PDE4D: variants seen among roughly 807,000 people sequenced by gnomAD.
PDE4D encodes the protein 3',5'-cyclic-AMP phosphodiesterase 4D.
In PDE4D, 24 loss-of-function variants were observed where a neutral mutation model predicts 87.4. That is an observed-to-expected ratio of 0.27 (90% confidence interval 0.20 to 0.39). The LOEUF is 0.39. Ranked by LOEUF, PDE4D falls within the 10% of genes least tolerant of loss-of-function variation. The pLI is 1.00. For synonymous variants in PDE4D, 384 were observed against 383.2 expected, an observed-to-expected ratio of 1.00 and a Z score of -0.02; for missense variants, 714 against 1,041.0, an observed-to-expected ratio of 0.69 and a Z score of 4.32.
intron 1 of PDE4D, among the ~76,000 whole-genome samples, chr5:59,504,525 G>C (rs961587641): frequency 1.3e-5 from 2 of 152,050 alleles, no homozygotes; most frequent in African/African-American, 2.4e-5. Context: ...GTAGCACCGG[G>C]ATTCATTTCT....
Position 59,877,648 on chromosome 5 carries a change from C to T in PDE4D, c.455+15520G>A, listed in dbSNP as rs545998261. ...GAAACCTCATCTCCGGAAACTTCAT[C>T]TCCACAAAAAAATACAAAAATTAGC... On this transcript the variant is annotated intron_variant, in intron 1 of 14. Coordinates refer to ENST00000340635, the MANE Select transcript of PDE4D (RefSeq NM_001104631.2). Among the ~76,000 whole-genome samples the T allele has an allele frequency of 4.6e-5, 7 of 151,900 alleles. No homozygotes were observed. The South Asian group carries it at 1.2e-3, about 27-fold the overall frequency.
chr5:60,274,655 C>A (rs1751187172), intron 1 of PDE4D, among the ~76,000 whole-genome samples: 1 of 152,202 alleles, frequency 6.6e-6, no homozygotes, highest in South Asian at 2.1e-4. Context: ...GCCACCATGT[C>A]CAGCCGGATT....
chr5:60,394,322 A>G (rs1177929396), intron 1 of PDE4D, among the ~76,000 whole-genome samples: 2 of 152,222 alleles, frequency 1.3e-5, no homozygotes, highest in Non-Finnish European at 2.9e-5. Context: ...TATATTTTAA[A>G]TTATAGTGGC....
chr5:59,391,546 T>C (rs1788250515), intron 1 of PDE4D, among the ~76,000 whole-genome samples: 1 of 152,150 alleles, frequency 6.6e-6, no homozygotes, highest in East Asian at 1.9e-4. Context: ...CTTCCCTTAT[T>C]CCCCTAAAGT....
chr5:59,404,543 C>T (rs1791276096), intron 1 of PDE4D, among the ~76,000 whole-genome samples: 1 of 151,944 alleles, frequency 6.6e-6, no homozygotes, highest in Non-Finnish European at 1.5e-5. Flanking sequence ...CCTATAGTCC[C>T]AGCTACTCAG....
intron 1 of PDE4D, among the ~76,000 whole-genome samples, chr5:59,613,425 C>T (rs6861161): frequency 1.5e-3 from 224 of 152,158 alleles, no homozygotes; most frequent in African/African-American, 5.0e-3. Context: ...AGATCCAGAT[C>T]GGTAGAGACT....
intron 1 of PDE4D, among the ~76,000 whole-genome samples, chr5:59,256,814 A>C (rs1190622295): frequency 1.3e-5 from 2 of 152,100 alleles, no homozygotes; most frequent in Non-Finnish European, 2.9e-5. Context: ...GGTAGATATT[A>C]ACTAACAACT....
At chr5:60,117,775 C>A (rs949393479) in intron 2 of PDE4D, among the ~76,000 whole-genome samples, 1 of 151,680 alleles carries the variant, frequency 6.6e-6, no homozygotes, top group Non-Finnish European at 1.5e-5. Flanking sequence ...ATTACCCCTG[C>A]AGCTACCAAC....
At chr5:59,056,420 T>G (rs1045647378) in intron 5 of PDE4D, among the ~76,000 whole-genome samples, 1 of 152,080 alleles carries the variant, frequency 6.6e-6, no homozygotes, top group Non-Finnish European at 1.5e-5. Context: ...AAGGAGTTTT[T>G]TTGTTTGTTT....
chr5:59,307,911 C>T (rs1182446148), intron 1 of PDE4D, among the ~76,000 whole-genome samples: 22 of 152,020 alleles, frequency 1.4e-4, no homozygotes, highest in Non-Finnish European at 2.5e-4. Flanking sequence ...CACATGCACA[C>T]GTATGTTTAT....
intron 5 of PDE4D, among the ~76,000 whole-genome samples, chr5:59,094,621 G>A (rs1166285125): frequency 1.3e-5 from 2 of 151,986 alleles, no homozygotes; most frequent in Non-Finnish European, 2.9e-5. Flanking sequence ...AGAAAAGAAG[G>A]TCACAAAAAT....
At chr5:59,607,943 G>A (rs1347160490) in intron 1 of PDE4D, among the ~76,000 whole-genome samples, 3 of 152,076 alleles carry the variant, frequency 2.0e-5, no homozygotes, top group Admixed American at 6.6e-5. Flanking sequence ...GAGTAGGTAG[G>A]GAAGAGTGCC....
chr5:59,253,583 CT>C (rs1760408548), intron 1 of PDE4D, among the ~76,000 whole-genome samples: 1 of 151,998 alleles, frequency 6.6e-6, no homozygotes, highest in Non-Finnish European at 1.5e-5. Context: ...GATTTTACTC[CT>C]CTCAAAGGGA....
At chr5:59,057,388 G>A (rs1308387694) in intron 5 of PDE4D, among the ~76,000 whole-genome samples, 1 of 152,154 alleles carries the variant, frequency 6.6e-6, no homozygotes, top group Non-Finnish European at 1.5e-5. Flanking sequence ...TTATAAAATG[G>A]AGAAAGCAGT....
intron 1 of PDE4D, among the ~76,000 whole-genome samples, chr5:59,612,232 G>GTTT (rs58203288): frequency 9.5e-5 from 5 of 52,760 alleles, no homozygotes; most frequent in Non-Finnish European, 1.5e-4. Flanking sequence ...GATTGACACT[G>GTTT]TTTTTTTTGT....
chr5:60,257,218 GAAAGAGAA>G (rs1305040657), intron 1 of PDE4D, among the ~76,000 whole-genome samples: 38 of 84,380 alleles, frequency 4.5e-4, no homozygotes, highest in African/African-American at 4.9e-4. Context: ...ATGAAAGAAA[GAAAGAGAA>G]AGAAAGAAAG....
chr5:59,632,250 C>T (rs564022597), intron 1 of PDE4D, among the ~76,000 whole-genome samples: 12 of 152,278 alleles, frequency 7.9e-5, no homozygotes, highest in African/African-American at 2.6e-4. Flanking sequence ...CAGTCAGGGG[C>T]TTACAGATAA....
chr5:59,430,033 T>C (rs1046246680), intron 1 of PDE4D, among the ~76,000 whole-genome samples: 2 of 152,138 alleles, frequency 1.3e-5, no homozygotes, highest in African/African-American at 4.8e-5. Context: ...TCATGGGTGA[T>C]TTTGATGGCA....
chr5:59,340,317 C>A (rs895602528), intron 1 of PDE4D, among the ~76,000 whole-genome samples: 11 of 152,100 alleles, frequency 7.2e-5, no homozygotes, highest in Admixed American at 7.2e-4. Context: ...ATGATGGCCA[C>A]AACATGTAAT....
Sources: allele counts gnomAD v4.1 joint callset (sites outside exome capture counted in the v4.1 genomes callset), GRCh38; gene constraint gnomAD v4.1.1; transcripts MANE v1.5; gene names NCBI Gene and HGNC (gene_info 2026-07-23, HGNC 2026-07-21).